Variants in OSBPL1A observed in about 807,000 individuals in gnomAD.
OSBPL1A encodes oxysterol binding protein like 1A.
OSBPL1A carries 80 observed loss-of-function variants against 137.1 expected under a neutral mutation model. The ratio of observed to expected loss-of-function variants is 0.58; its 90% CI spans 0.49 to 0.70. OSBPL1A has a LOEUF of 0.70. Ranked by LOEUF, OSBPL1A falls within the 30% of genes least tolerant of loss-of-function variation. The probability of loss-of-function intolerance (pLI) is 0.00; values close to 1 mark genes in which losing one functional copy is unlikely to be tolerated. For synonymous variants in OSBPL1A, 365 were observed against 389.7 expected, an observed-to-expected ratio of 0.94 and a Z score of 0.75; for missense variants, 970 against 1,129.4, an observed-to-expected ratio of 0.86 and a Z score of 2.02.
chr18:24,169,335 A>G (rs9635962), intron 24 of OSBPL1A, among the ~76,000 whole-genome samples: 71,861 of 152,120 alleles, frequency 0.47, 20,367 homozygotes, highest in Non-Finnish European at 0.64. Flanking sequence ...CACATGCATA[A>G]GAAACGCTAA....
intron 16 of OSBPL1A, among the ~76,000 whole-genome samples, chr18:24,237,119 T>G (rs915602095): frequency 5.9e-5 from 9 of 151,956 alleles, no homozygotes; most frequent in Non-Finnish European, 1.0e-4. Flanking sequence ...CACAAGCACA[T>G]ATATATGTGA....
At chr18:24,225,708 T>A (rs1255081526) in intron 16 of OSBPL1A, among the ~76,000 whole-genome samples, 1 of 152,158 alleles carries the variant, frequency 6.6e-6, no homozygotes, top group African/African-American at 2.4e-5. Flanking sequence ...ACACCTGTAA[T>A]CCCAGTACTA....
chr18:24,373,980 C>A (rs1364013499), intron 2 of OSBPL1A, among the ~76,000 whole-genome samples: 1 of 152,030 alleles, frequency 6.6e-6, no homozygotes, highest in Non-Finnish European at 1.5e-5. Context: ...AAGTAGATGA[C>A]TTTCTCCTAA....
chr18:24,321,454 A>T (rs2090855493), intron 7 of OSBPL1A, among the ~76,000 whole-genome samples: 1 of 152,132 alleles, frequency 6.6e-6, no homozygotes, highest in Non-Finnish European at 1.5e-5. Flanking sequence ...GTGTCATCAC[A>T]CCTGGCTAAT....
In OSBPL1A at chr18:24,395,348, A is replaced by G. The variant is rs1182782832; in HGVS notation, c.-3+2307T>C. Among the ~76,000 whole-genome samples, 3 of 152,212 alleles carry G rather than the reference A, an allele frequency of 2.0e-5. No individual in the cohort carries two copies. In the East Asian group the frequency reaches 5.8e-4, roughly 29 times the overall value. On this transcript the variant is annotated intron_variant, in intron 1 of 27. Coordinates refer to ENST00000319481, the MANE Select transcript of OSBPL1A (RefSeq NM_080597.4). ...TACTTTCTGCCTACTACTTTTCTCA[A>G]TGAAAACATATGATGTATAAAAGCT...
At chr18:24,261,425 G>A (rs1007571050) in intron 15 of OSBPL1A, among the ~76,000 whole-genome samples, 14 of 151,990 alleles carry the variant, frequency 9.2e-5, no homozygotes, top group Admixed American at 5.2e-4. Flanking sequence ...TCAATTATAC[G>A]TCAATAAAGC....
chr18:24,194,064 A>G (rs1247740603), intron 18 of OSBPL1A, among the ~76,000 whole-genome samples: 2 of 152,232 alleles, frequency 1.3e-5, no homozygotes, highest in African/African-American at 4.8e-5. Context: ...GAACAAATTC[A>G]TAACACCAAC....
In OSBPL1A at chr18:24,366,980, C is replaced by T. The variant is rs775142931; in HGVS notation, c.208-14G>A. On this transcript the variant is annotated splice_polypyrimidine_tract_variant and intron_variant, in intron 3 of 27. Coordinates refer to ENST00000319481, the MANE Select transcript of OSBPL1A (RefSeq NM_080597.4). ...TTCTGCACCAGCCTAGTAAACATGA[C>T]CACTTTAAATACCAAGAAATATACA... 2.5e-6 allele frequency: 4 copies of T among 1,596,796 alleles called. No homozygotes were observed. Among genetic ancestry groups the T allele is most frequent in the Admixed American group, 3.4e-5 (2 of 57,980 alleles).
At chr18:24,251,525 A>G (rs537185587) in intron 15 of OSBPL1A, among the ~76,000 whole-genome samples, 3 of 152,346 alleles carry the variant, frequency 2.0e-5, no homozygotes, top group Non-Finnish European at 4.4e-5. Context: ...ACCTCTGCAA[A>G]TATGGAGAAA....
At chr18:24,205,562 A>G (rs1450106319) in intron 17 of OSBPL1A, among the ~76,000 whole-genome samples, 1 of 152,338 alleles carries the variant, frequency 6.6e-6, no homozygotes, top group Non-Finnish European at 1.5e-5. Flanking sequence ...TCAGTGATAT[A>G]AAACATTCAG....
At chr18:24,245,242 T>C (rs917467924) in intron 15 of OSBPL1A, among the ~76,000 whole-genome samples, 1 of 152,050 alleles carries the variant, frequency 6.6e-6, no homozygotes, top group African/African-American at 2.4e-5. Flanking sequence ...ACTAAAGGCA[T>C]GCACCACCAT....
At chr18:24,258,504 TG>T (rs1299536582) in intron 15 of OSBPL1A, among the ~76,000 whole-genome samples, 1 of 152,088 alleles carries the variant, frequency 6.6e-6, no homozygotes, top group Non-Finnish European at 1.5e-5. Context: ...TGGGGGAATG[TG>T]GAGATGGTTA....
chr18:24,175,467 C>A (rs751151001), intron 21 of OSBPL1A, among the ~76,000 whole-genome samples: 1 of 152,100 alleles, frequency 6.6e-6, no homozygotes, highest in African/African-American at 2.4e-5. Context: ...GGATTACAGG[C>A]ATGAGTCACT....
At chr18:24,261,669 T>TA (rs2089447707) in intron 15 of OSBPL1A, among the ~76,000 whole-genome samples, 1 of 151,852 alleles carries the variant, frequency 6.6e-6, no homozygotes, top group Admixed American at 6.6e-5. Flanking sequence ...CCCATCTCTA[T>TA]AAAAAATACA....
At chr18:24,330,889 G>C (rs1483076089) in intron 7 of OSBPL1A, among the ~76,000 whole-genome samples, 1 of 152,094 alleles carries the variant, frequency 6.6e-6, no homozygotes, top group Non-Finnish European at 1.5e-5. Flanking sequence ...CCACCTCCTG[G>C]GTTCAAGCAA....
rs984625810 is a variant in OSBPL1A, at chr18:24,162,599, A to G, written c.*580T>C. On this transcript the variant is annotated 3_prime_UTR_variant, in exon 28 of 28. Coordinates refer to ENST00000319481, the MANE Select transcript of OSBPL1A (RefSeq NM_080597.4). The stretch of plus-strand genomic sequence containing the variant: ...ATTCTTTAGAATTTTCAAATCAGAA[A>G]TATCTATTCTGAATATTCAGGCATT... The G allele has an allele frequency of 6.6e-6, 1 of 152,336 alleles. No individual in the cohort carries two copies. The highest frequency in any genetic ancestry group is 6.5e-5 in the Admixed American group (1 of 15,298). The allele number at this position is 152,336 out of a possible 1,614,324, so 9.4% of individuals were successfully genotyped here.
At chr18:24,395,731 C>T (rs1599748308) in intron 1 of OSBPL1A, among the ~76,000 whole-genome samples, 1 of 151,896 alleles carries the variant, frequency 6.6e-6, no homozygotes, top group African/African-American at 2.4e-5. Flanking sequence ...AAGGGATTCT[C>T]CAGCCTCAGC....
intron 13 of OSBPL1A, among the ~76,000 whole-genome samples, chr18:24,306,801 T>C (rs940398892): frequency 6.6e-6 from 1 of 152,218 alleles, no homozygotes; most frequent in African/African-American, 2.4e-5. Flanking sequence ...TCCTTTTTTC[T>C]GCAAACATTA....
chr18:24,310,716 A>G (rs2146111812), intron 13 of OSBPL1A, among the ~76,000 whole-genome samples: 1 of 139,160 alleles, frequency 7.2e-6, no homozygotes, highest in African/African-American at 2.5e-5. Context: ...TAAAATTATC[A>G]TAATCCTAGG....
Sources: gnomAD v4.1 joint callset for allele counts (sites outside exome capture counted in the v4.1 genomes callset) on GRCh38, gnomAD v4.1.1 for gene constraint, MANE v1.5 for transcripts, NCBI Gene and HGNC (gene_info 2026-07-23, HGNC 2026-07-21) for gene names.